CNTLN: variants seen among roughly 807,000 people sequenced by gnomAD.
The protein encoded by CNTLN is centlein, also known as centlein, centrosomal protein.
In CNTLN, 212 loss-of-function variants were observed where a neutral mutation model predicts 180.0. The observed-to-expected ratio is 1.18, with a 90% CI of 1.05 to 1.32. The LOEUF (loss-of-function observed/expected upper bound fraction) is 1.32. Among genes scored for constraint, CNTLN ranks in the 40% most tolerant of loss-of-function variants. CNTLN has a pLI of 0.00. For missense variants in CNTLN, 2,095 were observed against 1,610.9 expected (o/e 1.30, Z -5.14); for synonymous variants, 722 against 563.1 (o/e 1.28, Z -3.99).
the CNTLN span, among the ~76,000 whole-genome samples, chr9:17,520,968 T>C: frequency 6.6e-6 from 1 of 152,162 alleles, no homozygotes; most frequent in African/African-American, 2.4e-5. Context: ...GTAATTCAGG[T>C]CTGAAGCATG....
At chr9:17,409,241 C>T in intron 15 of CNTLN, 52 bp from the exon 16 acceptor site, 2 of 1,525,742 alleles carry the variant, frequency 1.3e-6, no homozygotes, top group East Asian at 2.3e-5. Context: ...AAGACAAGTA[C>T]ATGTAACAAC....
At chr9:17,422,007 C>T (rs1197760444) in intron 18 of CNTLN, among the ~76,000 whole-genome samples, 2 of 152,064 alleles carry the variant, frequency 1.3e-5, no homozygotes, top group Non-Finnish European at 2.9e-5. Context: ...TAGATGATTT[C>T]TTACTGCTTA....
chr9:17,159,038 T>C (rs1309178611), intron 2 of CNTLN, among the ~76,000 whole-genome samples: 1 of 152,172 alleles, frequency 6.6e-6, no homozygotes, highest in Non-Finnish European at 1.5e-5. Context: ...TATTTTGTTT[T>C]TATTTTCGCT....
intron 5 of CNTLN, among the ~76,000 whole-genome samples, chr9:17,243,032 G>C (rs1006039382): frequency 6.6e-6 from 1 of 151,968 alleles, no homozygotes; most frequent in African/African-American, 2.4e-5. Flanking sequence ...ATCTGTTCAG[G>C]TTTTGGATTT....
chr9:17,514,153 T>TAAA, the CNTLN span, among the ~76,000 whole-genome samples: 748 of 145,532 alleles, frequency 5.1e-3, 2 homozygotes, highest in African/African-American at 0.011. Flanking sequence ...GCAAATAGGT[T>TAAA]AAAAAAAAAA....
intron 18 of CNTLN, among the ~76,000 whole-genome samples, chr9:17,417,886 A>G (rs1353957412): frequency 6.6e-6 from 1 of 152,008 alleles, no homozygotes; most frequent in African/African-American, 2.4e-5. Flanking sequence ...GATTTCAACT[A>G]CTTGTAAAGA....
chr9:17,261,461 T>C (rs1826969741), intron 5 of CNTLN, among the ~76,000 whole-genome samples: 1 of 151,582 alleles, frequency 6.6e-6, no homozygotes, highest in South Asian at 2.1e-4. Flanking sequence ...GTGTTTGATT[T>C]GCTTTGCAGC....
At chr9:17,518,303 TC>T in the CNTLN span, among the ~76,000 whole-genome samples, 1 of 151,982 alleles carries the variant, frequency 6.6e-6, no homozygotes, top group South Asian at 2.1e-4. Flanking sequence ...TACCTCGCCC[TC>T]CCAAAATGCT....
At chr9:17,340,567 G>C (rs970014017) in intron 10 of CNTLN, among the ~76,000 whole-genome samples, 1 of 152,146 alleles carries the variant, frequency 6.6e-6, no homozygotes, top group African/African-American at 2.4e-5. Context: ...ACAGGGAAAG[G>C]AGTGAAACTA....
At chr9:17,329,945 T>C (rs747625475) in intron 8 of CNTLN, among the ~76,000 whole-genome samples, 11 of 151,990 alleles carry the variant, frequency 7.2e-5, no homozygotes, top group African/African-American at 9.7e-5. Flanking sequence ...ACAGCGAATT[T>C]GCATGGGTTT....
At chr9:17,526,956 C>T in the CNTLN span, among the ~76,000 whole-genome samples, 1 of 152,188 alleles carries the variant, frequency 6.6e-6, no homozygotes, top group Non-Finnish European at 1.5e-5. Context: ...CAGCTCACTG[C>T]AACTTCCGCC....
chr9:17,406,807 A>G (rs2133822727), intron 15 of CNTLN, among the ~76,000 whole-genome samples: 1 of 151,876 alleles, frequency 6.6e-6, no homozygotes, highest in East Asian at 1.9e-4. Context: ...AGAATTATAA[A>G]GAGAAGGAAG....
intron 7 of CNTLN, among the ~76,000 whole-genome samples, chr9:17,302,643 G>C (rs1818453792): frequency 1.3e-5 from 2 of 152,276 alleles, no homozygotes; most frequent in East Asian, 3.9e-4. Flanking sequence ...GACATTGCAT[G>C]CTATGATGTC....
Position 17,330,704 on chromosome 9 carries a change from C to T in CNTLN, c.1414C>T (p.Gln472Ter), listed in dbSNP as rs376848122. Reference protein sequence around the residue: ...VSQKSEIEYLQEKLKIANEKL... With the variant: ...VSQKSEIEYL Reference sequence around the variant, plus strand: ...ACAGAAGTCTGAAATTGAGTATTTACAGGAGAAACTAAAGATAGCAAATGA... The same window carrying T: ...ACAGAAGTCTGAAATTGAGTATTTATAGGAGAAACTAAAGATAGCAAATGA... Residue 472 changes from glutamine (Q) to a stop codon, truncating the protein, a stop_gained, in exon 9 of 26, where the codon CAG (glutamine) becomes TAG (stop). Transcript: ENST00000380647. LOFTEE classifies it high-confidence loss of function. 11 of 1,611,566 alleles carry T rather than the reference C, an allele frequency of 6.8e-6. No individual in the cohort carries two copies. Among genetic ancestry groups the T allele is most frequent in the Non-Finnish European group, 9.3e-6 (11 of 1,178,394 alleles).
chr9:17,328,686 C>G (rs1046469753), intron 8 of CNTLN, among the ~76,000 whole-genome samples: 1 of 152,106 alleles, frequency 6.6e-6, no homozygotes, highest in South Asian at 2.1e-4. Context: ...AACATATCTA[C>G]TTGGTTAATA....
chr9:17,396,143 A>T (rs1044085882), intron 15 of CNTLN, among the ~76,000 whole-genome samples: 1 of 152,232 alleles, frequency 6.6e-6, no homozygotes, highest in Non-Finnish European at 1.5e-5. Context: ...AGGCATGAAT[A>T]ATACACCCCT....
At chr9:17,309,824 G>A (rs1250482039) in intron 8 of CNTLN, among the ~76,000 whole-genome samples, 1 of 151,802 alleles carries the variant, frequency 6.6e-6, no homozygotes, top group African/African-American at 2.4e-5. Flanking sequence ...AATCTTCAGG[G>A]CAACTTTCAA....
At chr9:17,340,722 C>A (rs1447884142) in intron 10 of CNTLN, 105 bp from the exon 11 acceptor site, 1 of 900,806 alleles carries the variant, frequency 1.1e-6, no homozygotes, top group Non-Finnish European at 1.6e-6. Context: ...TGTTTACACA[C>A]TATTTTCTTT....
intron 12 of CNTLN, among the ~76,000 whole-genome samples, chr9:17,366,307 GTTA>G (rs10626361): frequency 6.6e-6 from 1 of 151,452 alleles, no homozygotes; most frequent in Admixed American, 6.6e-5. Context: ...TATTGTTGTT[GTTA>G]TTATTATTAT....
Sources: allele counts gnomAD v4.1 joint callset (sites outside exome capture counted in the v4.1 genomes callset), GRCh38; gene constraint gnomAD v4.1.1; transcripts MANE v1.5; gene names NCBI Gene and HGNC (gene_info 2026-07-23, HGNC 2026-07-21).